ANKRD30A: variants seen among roughly 807,000 people sequenced by gnomAD.
ANKRD30A encodes the protein ankyrin repeat domain 30A.
A neutral mutation model predicts 166.3 loss-of-function variants in ANKRD30A; 170 were observed. That is an observed-to-expected ratio of 1.02 (90% CI 0.90 to 1.16). ANKRD30A has a LOEUF of 1.16. Ranked by LOEUF, ANKRD30A falls within the 50% of genes most tolerant of loss-of-function variation. The pLI is 0.00. For synonymous variants in ANKRD30A, 564 were observed against 508.9 expected (o/e 1.11, Z -1.46); for missense variants, 1,630 against 1,518.0 (o/e 1.07, Z -1.23).
intron 31 of ANKRD30A, among the ~76,000 whole-genome samples, chr10:37,204,583 A>G (rs1588919813): frequency 6.6e-6 from 1 of 152,298 alleles, no homozygotes; most frequent in East Asian, 1.9e-4. Flanking sequence ...CTAAAACACC[A>G]AAAGCAATGG....
chr10:37,156,681 A>G (rs1464484446), intron 13 of ANKRD30A, among the ~76,000 whole-genome samples: 2 of 152,148 alleles, frequency 1.3e-5, no homozygotes, highest in East Asian at 1.9e-4. Flanking sequence ...CTTAGTGAGG[A>G]TGTGTATTTC....
In ANKRD30A at chr10:37,142,098, GA is replaced by G; in HGVS notation, c.1204del (p.Thr402HisfsTer25). ...TAGGGAAATTATGAGTCCCGCAAAA[GA>G]AACATCTGAGAAATTTACGTGGGCA... ...TPREIMSPAK[E>X]TSEKFTWAAK... is the part of the protein sequence containing the mutation. On this transcript the variant is annotated frameshift_variant, in exon 7 of 36. Transcript: ENST00000361713. LOFTEE classifies it high-confidence loss of function. The G allele has an allele frequency of 6.2e-7, 1 of 1,612,602 alleles. No homozygotes were observed. Among genetic ancestry groups the G allele is most frequent in the Non-Finnish European group, 8.5e-7 (1 of 1,179,592 alleles).
intron 31 of ANKRD30A, among the ~76,000 whole-genome samples, chr10:37,209,939 C>G (rs1378714136): frequency 1.9e-4 from 29 of 151,986 alleles, no homozygotes; most frequent in Non-Finnish European, 2.9e-5. Context: ...TTGCCAGAAT[C>G]AGTATACTGT....
At chr10:37,159,620 A>T (rs944425187) in intron 15 of ANKRD30A, among the ~76,000 whole-genome samples, 1 of 152,110 alleles carries the variant, frequency 6.6e-6, no homozygotes, top group Non-Finnish European at 1.5e-5. Context: ...ATTTGTTTTC[A>T]TGTCTTATAG....
intron 15 of ANKRD30A, 87 bp from the exon 16 acceptor site, chr10:37,162,562 A>T: frequency 6.5e-7 from 1 of 1,529,720 alleles, no homozygotes; most frequent in Non-Finnish European, 9.0e-7. Flanking sequence ...GAGCAAGAGG[A>T]GTCAGTTAAA....
the ANKRD30A span, among the ~76,000 whole-genome samples, chr10:37,242,920 AT>A: frequency 6.6e-6 from 1 of 152,188 alleles, no homozygotes; most frequent in Non-Finnish European, 1.5e-5. Context: ...TTAATGCTGC[AT>A]TTTTATGCTT....
At chr10:37,134,200 T>C in intron 5 of ANKRD30A, 147 bp downstream of exon 5, 1 of 984,366 alleles carries the variant, frequency 1.0e-6, no homozygotes, top group Non-Finnish European at 1.5e-6. Context: ...TTCTTTATTT[T>C]AGGACTTTCA....
chr10:37,260,762 C>G, the ANKRD30A span, among the ~76,000 whole-genome samples: 3 of 152,108 alleles, frequency 2.0e-5, no homozygotes, highest in African/African-American at 7.2e-5. Context: ...ATCTACCCAG[C>G]CTGTGAGCCA....
At chr10:37,235,914 C>T (rs928367790), downstream of ANKRD30A, among the ~76,000 whole-genome samples, 9 of 151,822 alleles carry the variant, frequency 5.9e-5, no homozygotes, top group African/African-American at 1.7e-4. Context: ...GGACTACAGG[C>T]GCCCGCCACC....
At chr10:37,162,745 T>C in intron 16 of ANKRD30A, 31 bp from the exon 17 acceptor site, 2 of 1,613,556 alleles carry the variant, frequency 1.2e-6, no homozygotes, top group Non-Finnish European at 1.7e-6. Flanking sequence ...ATACATTCTT[T>C]ATTAATCATT....
chr10:37,147,519 C>T, intron 9 of ANKRD30A, 62 bp downstream of exon 9: 3 of 1,085,900 alleles, frequency 2.8e-6, no homozygotes, highest in Non-Finnish European at 4.0e-6. Context: ...TGCATGATGA[C>T]TGATATACTC....
intron 34 of ANKRD30A, among the ~76,000 whole-genome samples, chr10:37,225,386 A>G (rs1030542805): frequency 4.6e-5 from 7 of 151,786 alleles, no homozygotes; most frequent in Non-Finnish European, 8.8e-5. Flanking sequence ...GTCATTGTGT[A>G]CATTCCTGCA....
At chr10:37,217,637 CA>C (rs2132737794) in intron 32 of ANKRD30A, 57 bp from the exon 33 acceptor site, 1 of 1,366,966 alleles carries the variant, frequency 7.3e-7, no homozygotes, top group Admixed American at 2.7e-5. Context: ...AAATAGATCT[CA>C]AAATGAATTC....
chr10:37,183,169 T>C (rs1224662669), intron 24 of ANKRD30A, among the ~76,000 whole-genome samples: 4 of 149,168 alleles, frequency 2.7e-5, no homozygotes. Flanking sequence ...AAAATGAAAA[T>C]ATTTAAAATA....
At position 37,125,704 on chromosome 10, in the gene ANKRD30A, G is replaced by C. The variant is rs1366802773; in HGVS notation, c.-84G>C. 2 of 540,902 alleles carry C rather than the reference G, an allele frequency of 3.7e-6. No homozygotes were observed. 33.5% of individuals were successfully genotyped at this position (540,902 alleles called of 1,614,324 possible). On this transcript the variant is annotated 5_prime_UTR_variant, in exon 1 of 36. Transcript: ENST00000361713. ...GGCGGTGCGTGGACTGAAGAAGGGCGAGGGCGATTGGGGAGGGGTGGGGGG... is the reference window on the plus strand; with the variant it reads ...GGCGGTGCGTGGACTGAAGAAGGGCCAGGGCGATTGGGGAGGGGTGGGGGG...
rs1367097486 is a variant in ANKRD30A, at chr10:37,143,627, C to T, written c.1393+1337C>T. On this transcript the variant is annotated intron_variant, in intron 7 of 35. Transcript: ENST00000361713. Reference sequence around the variant, plus strand: ...TGAGATCGTACCACTACACTCTAGCCTGTGTGACAGAGCAACATTCCATCT... The same window carrying T: ...TGAGATCGTACCACTACACTCTAGCTTGTGTGACAGAGCAACATTCCATCT... 2.6e-5 allele frequency among the ~76,000 whole-genome samples: 4 copies of T among 152,004 alleles called. No individual in the cohort carries two copies. The East Asian group carries it at 7.7e-4, about 29-fold the overall frequency.
At position 37,149,634 on chromosome 10, in the gene ANKRD30A, T is replaced by A; in HGVS notation, c.1544-17T>A. On this transcript the variant is annotated splice_polypyrimidine_tract_variant and intron_variant, in intron 9 of 35. Transcript: ENST00000361713. ...ATACTTACTTATGATTGATGATAAA[T>A]CTCTTTTGCTTTTTAGAGCCTCCTA... 1 of 1,610,538 alleles carries A rather than the reference T, an allele frequency of 6.2e-7. No individual in the cohort carries two copies. The highest frequency in any genetic ancestry group is 8.5e-7 in the Non-Finnish European group (1 of 1,177,274).
intron 9 of ANKRD30A, among the ~76,000 whole-genome samples, chr10:37,147,945 G>A (rs76638551): frequency 4.7e-3 from 510 of 107,782 alleles, no homozygotes; most frequent in South Asian, 6.4e-3. Flanking sequence ...CTCACTACTG[G>A]GAAGGCATTA....
At position 37,219,209 on chromosome 10, in the gene ANKRD30A, G is replaced by A. The variant is rs1332112590; in HGVS notation, c.3497G>A (p.Gly1166Glu). The A allele has an allele frequency of 2.4e-5, 39 of 1,610,436 alleles. No individual in the cohort carries two copies. The highest frequency in any genetic ancestry group is 3.2e-5 in the Non-Finnish European group (38 of 1,177,654). Residue 1166 changes from glycine (G) to glutamate (E), a missense_variant, in exon 34 of 36, where the codon GGG becomes GAG. Coordinates refer to ENST00000361713, the MANE Select transcript of ANKRD30A (RefSeq NM_052997.3). ...SLTKRASQYSGQLKVLIAENT... is the reference protein window; with the variant it reads ...SLTKRASQYSEQLKVLIAENT... ...ACTAAAAGGGCATCTCAATATAGTG[G>A]GCAGCTTAAAGTTCTGATAGCTGAG...
Sources: gnomAD v4.1 joint callset for allele counts (sites outside exome capture counted in the v4.1 genomes callset) on GRCh38, gnomAD v4.1.1 for gene constraint, MANE v1.5 for transcripts, NCBI Gene and HGNC (gene_info 2026-07-23, HGNC 2026-07-21) for gene names.